MECOM: variants seen among roughly 807,000 people sequenced by gnomAD.
MECOM encodes histone-lysine N-methyltransferase MECOM.
Under a neutral mutation model 116.3 loss-of-function variants are expected in MECOM, and 13 were observed. That is an observed-to-expected ratio of 0.11 (90% confidence interval 0.07 to 0.18). The LOEUF (loss-of-function observed/expected upper bound fraction) is 0.18, where lower values mean the gene tolerates loss of function less well. MECOM is among the 10% of genes least tolerant of loss of function. The pLI, the probability that MECOM is intolerant of heterozygous loss-of-function variation, is 1.00. For missense variants in MECOM, 1,299 were observed against 1,509.0 expected, an observed-to-expected ratio of 0.86 and a Z score of 2.31; for synonymous variants, 528 against 535.2, an observed-to-expected ratio of 0.99 and a Z score of 0.19.
chr3:169,581,188 A>G (rs866656320), intron 1 of MECOM, among the ~76,000 whole-genome samples: 2 of 152,226 alleles, frequency 1.3e-5, no homozygotes, highest in Non-Finnish European at 2.9e-5. Flanking sequence ...GAAAAGGAGC[A>G]CCGAATCTCT....
At chr3:169,521,504 C>A (rs1757348885) in intron 1 of MECOM, among the ~76,000 whole-genome samples, 1 of 152,198 alleles carries the variant, frequency 6.6e-6, no homozygotes. Context: ...AGTTCCATTT[C>A]ATGTGGTTAA....
In MECOM at chr3:169,216,549, A is replaced by G. The variant is rs79256718; in HGVS notation, c.376-72717T>C. Among the ~76,000 whole-genome samples the G allele has an allele frequency of 9.9e-3, 1,494 of 151,640 alleles. 27 individuals are homozygous for G. The highest frequency in any genetic ancestry group is 0.034 in the African/African-American group (1,406 of 41,280). On this transcript the variant is annotated intron_variant, in intron 2 of 16. Transcript: ENST00000651503. ...TTCTGAAATGAGAAGAAATAAATGTACTGCTAATTTACACAAACCTTCTCT... is the reference window on the plus strand; with the variant it reads ...TTCTGAAATGAGAAGAAATAAATGTGCTGCTAATTTACACAAACCTTCTCT...
At chr3:169,226,597 G>A (rs553379396) in intron 2 of MECOM, among the ~76,000 whole-genome samples, 1 of 152,190 alleles carries the variant, frequency 6.6e-6, no homozygotes, top group Admixed American at 6.5e-5. Context: ...CTTGCCCAAG[G>A]TCCTAAAACC....
At chr3:169,427,145 C>T (rs557500941) in intron 1 of MECOM, among the ~76,000 whole-genome samples, 11 of 151,922 alleles carry the variant, frequency 7.2e-5, no homozygotes, top group Non-Finnish European at 1.6e-4. Flanking sequence ...CCTCACATGT[C>T]ACAGAAATAC....
chr3:169,200,027 T>C (rs568761271), intron 2 of MECOM, among the ~76,000 whole-genome samples: 15 of 152,204 alleles, frequency 9.9e-5, no homozygotes, highest in Non-Finnish European at 1.9e-4. Context: ...GTGTTCTGTT[T>C]TAGGCAATGC....
chr3:169,340,802 TAAA>T (rs1481366656), intron 2 of MECOM, among the ~76,000 whole-genome samples: 1 of 152,160 alleles, frequency 6.6e-6, no homozygotes, highest in Non-Finnish European at 1.5e-5. Context: ...ATTTAGGGGA[TAAA>T]AAGGGAATCC....
At chr3:169,493,144 T>C (rs1298349973) in intron 1 of MECOM, among the ~76,000 whole-genome samples, 1 of 152,196 alleles carries the variant, frequency 6.6e-6, no homozygotes, top group African/African-American at 2.4e-5. Context: ...CCTCCAGCCA[T>C]ACCATACAAC....
chr3:169,572,533 C>A (rs902111143), intron 1 of MECOM, among the ~76,000 whole-genome samples: 7 of 152,158 alleles, frequency 4.6e-5, no homozygotes, highest in African/African-American at 1.7e-4. Flanking sequence ...TATAAAGACA[C>A]ATGCACACAT....
At chr3:169,149,047 C>T (rs1415775370) in intron 2 of MECOM, among the ~76,000 whole-genome samples, 4 of 151,102 alleles carry the variant, frequency 2.6e-5, no homozygotes, top group Non-Finnish European at 5.9e-5. Context: ...ATTTCCTGCC[C>T]TCCCTCAACT....
intron 1 of MECOM, among the ~76,000 whole-genome samples, chr3:169,604,932 C>T (rs778483456): frequency 1.6e-4 from 24 of 152,178 alleles, no homozygotes; most frequent in Non-Finnish European, 2.2e-4. Flanking sequence ...CCCATCGCAG[C>T]ATGAATCCTA....
intron 1 of MECOM, among the ~76,000 whole-genome samples, chr3:169,436,808 T>C (rs1742740537): frequency 6.6e-6 from 1 of 152,190 alleles, no homozygotes. Flanking sequence ...TTAAGAATAT[T>C]AAAAATTTTT....
intron 1 of MECOM, among the ~76,000 whole-genome samples, chr3:169,651,825 T>A (rs771436839): frequency 6.2e-4 from 94 of 152,232 alleles, no homozygotes; most frequent in Non-Finnish European, 1.0e-3. Flanking sequence ...AAGTTGTAAA[T>A]CTATATGTAT....
intron 1 of MECOM, among the ~76,000 whole-genome samples, chr3:169,630,529 T>G (rs1771959794): frequency 6.6e-6 from 1 of 151,048 alleles, no homozygotes; most frequent in South Asian, 2.1e-4. Flanking sequence ...CACAGCTCAC[T>G]ACAGCCTCAA....
chr3:169,144,195 A>G (rs1739007799), intron 2 of MECOM, among the ~76,000 whole-genome samples: 1 of 152,142 alleles, frequency 6.6e-6, no homozygotes, highest in Non-Finnish European at 1.5e-5. Context: ...AATATTTCAT[A>G]TTCGTATAGT....
rs543038789 is a variant in MECOM at position 169,537,592 on chromosome 3, G to C, written c.37+125744C>G. 7.9e-5 allele frequency among the ~76,000 whole-genome samples: 12 copies of C among 152,178 alleles called. No individual in the cohort carries two copies. In the East Asian group the frequency reaches 2.3e-3, roughly 29 times the overall value. ...TGTTATAATTGACAGGCTAAAGTTA[G>C]TGTATTCCAGGTCTGGACAATTTTA... is the stretch of plus-strand genomic sequence containing the variant. On this transcript the variant is annotated intron_variant, in intron 1 of 16. Transcript: ENST00000651503.
intron 2 of MECOM, among the ~76,000 whole-genome samples, chr3:169,178,818 CCTT>C (rs1167190913): frequency 3.9e-5 from 6 of 152,150 alleles, no homozygotes; most frequent in South Asian, 2.1e-4. Flanking sequence ...AGACTACAAA[CCTT>C]CTTGAAAACA....
chr3:169,263,102 TA>T (rs1757768340), intron 2 of MECOM, among the ~76,000 whole-genome samples: 5 of 76,920 alleles, frequency 6.5e-5, no homozygotes, highest in African/African-American at 2.2e-4. Flanking sequence ...TATATATATA[TA>T]TATATATATA....
At chr3:169,269,432 A>G (rs1434380653) in intron 2 of MECOM, among the ~76,000 whole-genome samples, 3 of 152,184 alleles carry the variant, frequency 2.0e-5, no homozygotes, top group Non-Finnish European at 4.4e-5. Context: ...CTCCCTGCTA[A>G]CAAATTCCAA....
At chr3:169,496,901 G>A (rs1753880752) in intron 1 of MECOM, among the ~76,000 whole-genome samples, 1 of 152,082 alleles carries the variant, frequency 6.6e-6, no homozygotes, top group Non-Finnish European at 1.5e-5. Context: ...TTTTCTTTGG[G>A]ACCCCCATAA....
Sources: allele counts gnomAD v4.1 joint callset (sites outside exome capture counted in the v4.1 genomes callset), GRCh38; gene constraint gnomAD v4.1.1; transcripts MANE v1.5; gene names NCBI Gene and HGNC (gene_info 2026-07-23, HGNC 2026-07-21).